The following ATP8A1 variants were observed in gnomAD, a reference collection of about 807,000 sequenced individuals.
ATP8A1 encodes the protein phospholipid-transporting ATPase IA.
Under a neutral mutation model 177.7 loss-of-function variants are expected in ATP8A1, and 90 were observed. That is an observed-to-expected ratio of 0.51 (90% CI 0.43 to 0.60). The LOEUF is 0.60. Among genes scored for constraint, ATP8A1 ranks in the 20% least tolerant of loss-of-function variants. The pLI is 0.00. For synonymous variants in ATP8A1, 493 were observed against 485.9 expected (o/e 1.01, Z -0.19); for missense variants, 1,072 against 1,392.8 (o/e 0.77, Z 3.67).
intron 25 of ATP8A1, among the ~76,000 whole-genome samples, chr4:42,476,058 A>C (rs1721028071): frequency 6.6e-6 from 1 of 152,042 alleles, no homozygotes; most frequent in African/African-American, 2.4e-5. Context: ...AGATTAAAAT[A>C]CTAAAACCAG....
At chr4:42,515,858 TAAC>T (rs1725475967) in intron 22 of ATP8A1, among the ~76,000 whole-genome samples, 1 of 152,234 alleles carries the variant, frequency 6.6e-6, no homozygotes. Context: ...ATATATCAAG[TAAC>T]TTTGAAGACA....
intron 4 of ATP8A1, among the ~76,000 whole-genome samples, chr4:42,623,572 A>C (rs1737722336): frequency 6.6e-6 from 1 of 152,176 alleles, no homozygotes; most frequent in African/African-American, 2.4e-5. Flanking sequence ...GATGGAGGCC[A>C]TTATCCTTAG....
intron 15 of ATP8A1, among the ~76,000 whole-genome samples, chr4:42,566,148 A>G (rs1379346535): frequency 6.6e-6 from 1 of 152,264 alleles, no homozygotes; most frequent in East Asian, 1.9e-4. Context: ...TTAATACATT[A>G]TAGGTTTGCC....
At chr4:42,579,049 T>G (rs1284166614) in intron 11 of ATP8A1, among the ~76,000 whole-genome samples, 4 of 152,164 alleles carry the variant, frequency 2.6e-5, no homozygotes, top group Non-Finnish European at 5.9e-5. Context: ...GTTTTTGCTA[T>G]GTGATTGTAC....
chr4:42,522,851 C>T (rs956141937), intron 21 of ATP8A1, among the ~76,000 whole-genome samples: 2 of 152,286 alleles, frequency 1.3e-5, no homozygotes, highest in South Asian at 2.1e-4. Context: ...AACACTCCTA[C>T]AGCGTGAGTG....
rs1042901643 is a variant in ATP8A1 at position 42,571,885 on chromosome 4, G to T, written c.1296-2680C>A. Among the ~76,000 whole-genome samples the T allele has an allele frequency of 7.2e-5, 11 of 152,098 alleles. 1 individual carries two copies. The South Asian group carries it at 2.1e-3, about 29-fold the overall frequency. Reference sequence around the variant, plus strand: ...GGGGCGAAGGTTCAGGGAAATCAAAGAAAATTTATTAAAATTAAATTCTGA... The same window carrying T: ...GGGGCGAAGGTTCAGGGAAATCAAATAAAATTTATTAAAATTAAATTCTGA... On this transcript the variant is annotated intron_variant, in intron 14 of 36. Transcript: ENST00000381668.
intron 4 of ATP8A1, among the ~76,000 whole-genome samples, chr4:42,622,655 G>C (rs1737598223): frequency 2.6e-5 from 4 of 152,062 alleles, no homozygotes; most frequent in Non-Finnish European, 4.4e-5. Context: ...ATCTGACAAA[G>C]GTCTAATATC....
In ATP8A1 at chr4:42,555,126, T is replaced by TA. The variant is rs754148337; in HGVS notation, c.1413+841dup. 7.2e-3 allele frequency among the ~76,000 whole-genome samples: 575 copies of TA among 79,498 alleles called. 3 individuals are homozygous for TA. The highest frequency in any genetic ancestry group is 0.028 in the Middle Eastern group (5 of 176). 52.2% of individuals were successfully genotyped at this position (79,498 alleles called of 152,430 possible). A position where few individuals can be genotyped will look rare whatever the true frequency, so the allele number is the denominator to read the frequency against. ...CTATCTATCTATCTATCTATCTATC[T>TA]ATCTATCTATCTAATCTATCTATCT... is the stretch of plus-strand genomic sequence containing the variant. On this transcript the variant is annotated intron_variant, in intron 16 of 36. Transcript: ENST00000381668.
At chr4:42,554,050 A>G (rs1274549496) in intron 16 of ATP8A1, among the ~76,000 whole-genome samples, 3 of 152,364 alleles carry the variant, frequency 2.0e-5, no homozygotes, top group African/African-American at 7.2e-5. Context: ...GGCAGGGGCC[A>G]GATCATGTTA....
intron 20 of ATP8A1, among the ~76,000 whole-genome samples, chr4:42,541,327 G>A (rs1309870711): frequency 6.6e-6 from 1 of 152,054 alleles, no homozygotes; most frequent in Non-Finnish European, 1.5e-5. Context: ...TAAAATACCA[G>A]TACACATCTA....
At position 42,455,512 on chromosome 4, in the gene ATP8A1, G is replaced by T. The variant is rs369500866; in HGVS notation, c.2694+13C>A. 6.2e-7 allele frequency: 1 copy of T among 1,613,480 alleles called. No individual in the cohort carries two copies. Among genetic ancestry groups the T allele is most frequent in the Admixed American group, 1.7e-5 (1 of 59,942 alleles). On this transcript the variant is annotated intron_variant, in intron 28 of 36. Coordinates refer to ENST00000381668, the MANE Select transcript of ATP8A1 (RefSeq NM_006095.2). ...TTCAATGAAACAGGAATTATCAAAT[G>T]TCCTAAACTTACCACGTTATAGAGA...
intron 33 of ATP8A1, among the ~76,000 whole-genome samples, chr4:42,435,449 AC>A (rs1351684194): frequency 8.4e-4 from 47 of 55,954 alleles, no homozygotes; most frequent in African/African-American, 3.0e-3. Flanking sequence ...AAAAAAAAAA[AC>A]AAAAAAAAAA....
At chr4:42,532,655 T>C (rs1727392756) in intron 20 of ATP8A1, among the ~76,000 whole-genome samples, 1 of 152,188 alleles carries the variant, frequency 6.6e-6, no homozygotes, top group Admixed American at 6.5e-5. Flanking sequence ...CAGGACTAAC[T>C]TGCAGCTCCT....
At chr4:42,479,138 G>C (rs781632842) in intron 25 of ATP8A1, among the ~76,000 whole-genome samples, 1 of 152,174 alleles carries the variant, frequency 6.6e-6, no homozygotes, top group Non-Finnish European at 1.5e-5. Flanking sequence ...AATTTAAGCA[G>C]CAGTGGTTTT....
chr4:42,414,939 T>C, intron 35 of ATP8A1: 1 of 512,940 alleles, frequency 1.9e-6, no homozygotes, highest in Non-Finnish European at 3.5e-6. Flanking sequence ...TGGTCCCCAA[T>C]AATCCTTCTC....
intron 24 of ATP8A1, among the ~76,000 whole-genome samples, chr4:42,498,550 T>C (rs760785876): frequency 6.6e-6 from 1 of 152,204 alleles, no homozygotes; most frequent in Non-Finnish European, 1.5e-5. Context: ...AACACTGGTA[T>C]CCATAATCAA....
chr4:42,533,391 T>G (rs1298843094), intron 20 of ATP8A1, among the ~76,000 whole-genome samples: 3 of 152,074 alleles, frequency 2.0e-5, no homozygotes. Flanking sequence ...TTTTCCCCAC[T>G]TCCCTGGTGA....
intron 19 of ATP8A1, among the ~76,000 whole-genome samples, chr4:42,544,248 G>A (rs1178887153): frequency 6.6e-6 from 1 of 152,138 alleles, no homozygotes. Flanking sequence ...AAACCTACAA[G>A]AGCTCATACC....
intron 22 of ATP8A1, among the ~76,000 whole-genome samples, chr4:42,512,618 A>T (rs546758105): frequency 3.5e-4 from 54 of 152,312 alleles, no homozygotes; most frequent in African/African-American, 1.1e-3. Context: ...TCCTTGCCTT[A>T]CTGGTGTTTC....
Sources: gnomAD v4.1 joint callset for allele counts (sites outside exome capture counted in the v4.1 genomes callset) on GRCh38, gnomAD v4.1.1 for gene constraint, MANE v1.5 for transcripts, NCBI Gene and HGNC (gene_info 2026-07-23, HGNC 2026-07-21) for gene names.